The following PDE11A variants were observed in gnomAD, a reference collection of about 807,000 sequenced individuals.
PDE11A encodes the protein phosphodiesterase 11A.
A neutral mutation model predicts 100.5 loss-of-function variants in PDE11A; 100 were observed. The ratio of observed to expected loss-of-function variants is 1.00; its 90% CI spans 0.85 to 1.18. The LOEUF is 1.18. PDE11A is among the 50% of genes most tolerant of loss of function. The pLI is 0.00. For missense variants in PDE11A, 1,141 were observed against 1,152.6 expected, an observed-to-expected ratio of 0.99 and a Z score of 0.15; for synonymous variants, 381 against 420.8, an observed-to-expected ratio of 0.91 and a Z score of 1.16.
intron 4 of PDE11A, among the ~76,000 whole-genome samples, chr2:177,882,893 T>C (rs1458015372): frequency 6.6e-6 from 1 of 152,162 alleles, no homozygotes; most frequent in African/African-American, 2.4e-5. Flanking sequence ...ATAAAAATTA[T>C]CTACTAAGTA....
At chr2:177,979,682 C>G (rs2085856460) in intron 2 of PDE11A, among the ~76,000 whole-genome samples, 1 of 140,288 alleles carries the variant, frequency 7.1e-6, no homozygotes, top group African/African-American at 2.7e-5. Flanking sequence ...GCAATCTCAG[C>G]TCACTGCAAG....
chr2:177,885,040 G>A (rs34356580), intron 4 of PDE11A, among the ~76,000 whole-genome samples: 15,881 of 151,918 alleles, frequency 0.1, 1,142 homozygotes, highest in Non-Finnish European at 0.15. Context: ...GTGGGGTTAG[G>A]GGTTCAGTAG....
chr2:177,788,366 A>G (rs2082572901), intron 9 of PDE11A, among the ~76,000 whole-genome samples: 1 of 148,050 alleles, frequency 6.8e-6, no homozygotes, highest in Admixed American at 6.7e-5. Flanking sequence ...ACATACCAGA[A>G]TCTCTGGGAC....
At chr2:177,719,845 G>T (rs1008945289) in intron 12 of PDE11A, among the ~76,000 whole-genome samples, 5 of 152,052 alleles carry the variant, frequency 3.3e-5, no homozygotes, top group Non-Finnish European at 7.4e-5. Context: ...CATTGTAAAT[G>T]CCACAAACAA....
At chr2:177,974,375 G>A (rs570379329) in intron 2 of PDE11A, among the ~76,000 whole-genome samples, 309 of 56,778 alleles carry the variant, frequency 5.4e-3, no homozygotes, top group Non-Finnish European at 7.3e-3. Flanking sequence ...AGCGAGAAGG[G>A]AAGTTTAGAG....
At chr2:177,630,947 G>A (rs1345947036) in intron 19 of PDE11A, among the ~76,000 whole-genome samples, 1 of 151,778 alleles carries the variant, frequency 6.6e-6, no homozygotes, top group Non-Finnish European at 1.5e-5. Flanking sequence ...GGTTTTGGGG[G>A]GTTGTTTTAA....
At chr2:177,812,965 G>A (rs2365896) in intron 9 of PDE11A, among the ~76,000 whole-genome samples, 61,764 of 151,940 alleles carry the variant, frequency 0.41, 14,392 homozygotes, top group African/African-American at 0.64. Context: ...ACTAACAGTA[G>A]GGGGGAATCC....
At chr2:178,095,232 T>C (rs2087472507) in intron 2 of PDE11A, among the ~76,000 whole-genome samples, 1 of 152,216 alleles carries the variant, frequency 6.6e-6, no homozygotes, top group South Asian at 2.1e-4. Context: ...AGTTATTTAC[T>C]TCCTAGATAT....
intron 5 of PDE11A, among the ~76,000 whole-genome samples, chr2:177,857,866 C>G (rs1225123923): frequency 6.6e-6 from 1 of 151,816 alleles, no homozygotes; most frequent in Non-Finnish European, 1.5e-5. Flanking sequence ...ACCATGCAAA[C>G]AGTAGCAAAA....
rs531584267 is a variant in PDE11A, at chr2:177,774,775, T to C, written c.1738-5402A>G. ...CAAATTTAACACGTCTAAATAAACATGAAGATTTTCCCATATGTGATAGAC... is the reference window on the plus strand; with the variant it reads ...CAAATTTAACACGTCTAAATAAACACGAAGATTTTCCCATATGTGATAGAC... On this transcript the variant is annotated intron_variant, in intron 9 of 19. Transcript: ENST00000286063. Among the ~76,000 whole-genome samples, 7 of 152,316 alleles carry C rather than the reference T, an allele frequency of 4.6e-5. No homozygotes were observed. In the East Asian group the frequency reaches 1.3e-3, roughly 29 times the overall value.
At chr2:177,726,495 T>C (rs2081601054) in intron 12 of PDE11A, among the ~76,000 whole-genome samples, 1 of 152,156 alleles carries the variant, frequency 6.6e-6, no homozygotes, top group East Asian at 1.9e-4. Flanking sequence ...GATTTGTAAC[T>C]TAAAATACAC....
At chr2:177,928,702 T>A (rs1003238107) in intron 2 of PDE11A, among the ~76,000 whole-genome samples, 1 of 152,140 alleles carries the variant, frequency 6.6e-6, no homozygotes, top group East Asian at 1.9e-4. Flanking sequence ...CTTAAAAAAA[T>A]TCTTTTTTTA....
chr2:177,778,483 T>G (rs77616645), intron 9 of PDE11A, among the ~76,000 whole-genome samples: 5,023 of 152,264 alleles, frequency 0.033, 263 homozygotes, highest in African/African-American at 0.11. Flanking sequence ...AAGGGCTGCA[T>G]GAATACGTTT....
intron 19 of PDE11A, 44 bp from the exon 20 acceptor site, chr2:177,629,606 CAG>C (rs1198881071): frequency 6.3e-7 from 1 of 1,598,728 alleles, no homozygotes; most frequent in South Asian, 1.1e-5. Flanking sequence ...AGAGAGGAAA[CAG>C]AGTAACTGAC....
At chr2:177,907,584 T>C (rs925839816) in intron 2 of PDE11A, among the ~76,000 whole-genome samples, 6 of 152,224 alleles carry the variant, frequency 3.9e-5, no homozygotes, top group Non-Finnish European at 8.8e-5. Context: ...TCTTGGGAGA[T>C]AATTCTCTAT....
chr2:177,787,362 C>A (rs2082553293), intron 9 of PDE11A, among the ~76,000 whole-genome samples: 1 of 150,738 alleles, frequency 6.6e-6, no homozygotes, highest in African/African-American at 2.4e-5. Context: ...ACCACCAGGC[C>A]TGCCCTAAAA....
intron 19 of PDE11A, among the ~76,000 whole-genome samples, chr2:177,651,384 G>T (rs1381713414): frequency 6.6e-6 from 1 of 152,188 alleles, no homozygotes; most frequent in Non-Finnish European, 1.5e-5. Context: ...TGGAAAGGTT[G>T]ATATTGCCTA....
At chr2:178,006,951 C>T (rs2086220157) in intron 2 of PDE11A, among the ~76,000 whole-genome samples, 1 of 152,158 alleles carries the variant, frequency 6.6e-6, no homozygotes, top group African/African-American at 2.4e-5. Flanking sequence ...GTCTTGGCAG[C>T]ATTTTAGAAG....
chr2:177,824,992 C>T (rs973737987), intron 6 of PDE11A, among the ~76,000 whole-genome samples: 2 of 152,050 alleles, frequency 1.3e-5, no homozygotes, highest in African/African-American at 4.8e-5. Context: ...ATAATAAACA[C>T]AGATAATTTG....
Sources: gnomAD v4.1 joint callset for allele counts (sites outside exome capture counted in the v4.1 genomes callset) on GRCh38, gnomAD v4.1.1 for gene constraint, MANE v1.5 for transcripts, NCBI Gene and HGNC (gene_info 2026-07-23, HGNC 2026-07-21) for gene names.